The following SIL1 variants were observed in gnomAD, a reference collection of about 807,000 sequenced individuals.
The protein encoded by SIL1 is nucleotide exchange factor SIL1.
Under a neutral mutation model 49.1 loss-of-function variants are expected in SIL1, and 40 were observed. The observed-to-expected ratio is 0.81, with a 90% CI of 0.63 to 1.06. The LOEUF (loss-of-function observed/expected upper bound fraction) is 1.06. Ranked by LOEUF, SIL1 falls within the 50% of genes least tolerant of loss-of-function variation. The probability of loss-of-function intolerance (pLI) is 0.00; values close to 1 mark genes in which losing one functional copy is unlikely to be tolerated. For synonymous variants in SIL1, 253 were observed against 250.8 expected, an observed-to-expected ratio of 1.01 and a Z score of -0.08; for missense variants, 500 against 572.6, an observed-to-expected ratio of 0.87 and a Z score of 1.29.
chr5:139,196,052 T>C (rs1482031924), intron 1 of SIL1, among the ~76,000 whole-genome samples: 2 of 152,102 alleles, frequency 1.3e-5, no homozygotes, highest in Non-Finnish European at 2.9e-5. Context: ...TAGCTGGGCC[T>C]GGTGGTGCGC....
intron 7 of SIL1, among the ~76,000 whole-genome samples, chr5:138,977,567 T>C (rs1767421154): frequency 1.3e-5 from 2 of 151,996 alleles, no homozygotes; most frequent in South Asian, 4.2e-4. Flanking sequence ...CCTCAAACTC[T>C]TGGACTCAAG....
At chr5:138,998,104 C>T (rs1767909618) in intron 7 of SIL1, among the ~76,000 whole-genome samples, 1 of 152,088 alleles carries the variant, frequency 6.6e-6, no homozygotes, top group Admixed American at 6.5e-5. Flanking sequence ...GGAAACTTTC[C>T]ATTTTTGTGT....
intron 1 of SIL1, among the ~76,000 whole-genome samples, chr5:139,145,622 G>A (rs1044491009): frequency 3.1e-5 from 4 of 129,886 alleles, no homozygotes; most frequent in African/African-American, 1.1e-4. Context: ...GGGTGTGGGT[G>A]TGGGGGCGTG....
intron 4 of SIL1, among the ~76,000 whole-genome samples, chr5:139,046,952 T>C (rs1177584949): frequency 6.6e-6 from 1 of 152,226 alleles, no homozygotes; most frequent in Admixed American, 6.5e-5. Context: ...TGTACCTGGT[T>C]TTCTGTCTGC....
chr5:139,096,116 T>C (rs1377864713), intron 3 of SIL1, among the ~76,000 whole-genome samples: 1 of 152,158 alleles, frequency 6.6e-6, no homozygotes, highest in Non-Finnish European at 1.5e-5. Context: ...ATGAAGAATG[T>C]CTCTGGGCAC....
In SIL1 at chr5:139,026,828, G is replaced by T. The variant is rs899502101; in HGVS notation, c.618C>A (p.Leu206=). The change falls in exon 6 of 10, where the codon CTC becomes CTA. Residue 206 remains leucine (L), a synonymous_variant. Transcript: ENST00000394817. The part of the protein sequence containing the change: ...SSSLEEKIAA[L]FDLEYYVHQM... ...GATGGACATAATATTCAAGATCAAA[G>T]AGCGCAGCAATCTTCTCTTCCAAAC... The T allele has an allele frequency of 3.7e-6, 6 of 1,614,004 alleles. No individual in the cohort carries two copies. In the East Asian group the frequency reaches 1.3e-4, roughly 36 times the overall value.
chr5:139,187,532 A>C (rs1038887836), intron 1 of SIL1, among the ~76,000 whole-genome samples: 11 of 151,814 alleles, frequency 7.2e-5, no homozygotes, highest in Middle Eastern at 3.4e-3. Flanking sequence ...AAAAAAAAAA[A>C]AGTAGGAAAC....
Position 138,947,348 on chromosome 5 carries a change from G to A in SIL1, c.1155C>T (p.Leu385=), listed in dbSNP as rs1561799342. The A allele has an allele frequency of 6.2e-7, 1 of 1,613,672 alleles. No individual in the cohort carries two copies. The highest frequency in any genetic ancestry group is 8.5e-7 in the Non-Finnish European group (1 of 1,180,044). Residue 385 remains leucine, a synonymous_variant, in exon 10 of 10, where the codon CTC becomes CTT. Coordinates refer to ENST00000394817, the MANE Select transcript of SIL1 (RefSeq NM_022464.5). This position sits in a 1 kb window ranked among gnomAD's most constrained non-coding sequence, Gnocchi z 4.1. ...EQGWCEITAH[L]LALPEHDARE... ...GGGCATCATGCTCGGGCAGCGCCAGGAGGTGGGCCGTGATCTCGCACCAGC... is the reference window on the plus strand; with the variant it reads ...GGGCATCATGCTCGGGCAGCGCCAGAAGGTGGGCCGTGATCTCGCACCAGC...
At chr5:139,049,303 T>G (rs10477804) in intron 4 of SIL1, among the ~76,000 whole-genome samples, 63,891 of 152,034 alleles carry the variant, frequency 0.42, 14,266 homozygotes, top group African/African-American at 0.59. Context: ...CTTCTGAGTA[T>G]CTGGGATTAC....
chr5:138,994,825 A>C (rs1312007475), intron 7 of SIL1, among the ~76,000 whole-genome samples: 1 of 152,152 alleles, frequency 6.6e-6, no homozygotes, highest in East Asian at 1.9e-4. Flanking sequence ...TGCATGCATT[A>C]ACTATTTATC....
chr5:139,047,340 T>G (rs777683259), intron 4 of SIL1, among the ~76,000 whole-genome samples: 16 of 152,232 alleles, frequency 1.1e-4, no homozygotes, highest in South Asian at 2.1e-4. Flanking sequence ...AAGGCAGTGC[T>G]AAAGGAACTC....
chr5:139,043,163 G>C (rs1769082375), intron 4 of SIL1, among the ~76,000 whole-genome samples: 1 of 152,202 alleles, frequency 6.6e-6, no homozygotes, highest in African/African-American at 2.4e-5. Context: ...AGCTAGAAGA[G>C]GAAAGACGCA....
chr5:139,055,722 C>G (rs932683011), intron 3 of SIL1, among the ~76,000 whole-genome samples: 1 of 149,848 alleles, frequency 6.7e-6, no homozygotes, highest in Non-Finnish European at 1.5e-5. Context: ...TGATGCCTAG[C>G]CGAAGCTGGA....
intron 3 of SIL1, among the ~76,000 whole-genome samples, chr5:139,112,456 C>T (rs1770876912): frequency 6.6e-6 from 1 of 151,238 alleles, no homozygotes; most frequent in Non-Finnish European, 1.5e-5. Context: ...TCTGCCCCGC[C>T]ACCCAGTCTG....
At chr5:139,055,567 T>C (rs1035292511) in intron 3 of SIL1, among the ~76,000 whole-genome samples, 1 of 151,578 alleles carries the variant, frequency 6.6e-6, no homozygotes, top group African/African-American at 2.4e-5. Flanking sequence ...GTTCTGCTAT[T>C]GTCATGAAAA....
At position 139,092,693 on chromosome 5, in the gene SIL1, T is replaced by C. The variant is rs113694432; in HGVS notation, c.244+28342A>G. Among the ~76,000 whole-genome samples the C allele has an allele frequency of 7.0e-3, 1,060 of 152,270 alleles. 16 individuals carry two copies. Among genetic ancestry groups the C allele is most frequent in the African/African-American group, 0.024 (988 of 41,548 alleles). The stretch of plus-strand genomic sequence containing the variant: ...ACGGGAACATGAAAACAACAGGAGA[T>C]GGAGAGTGCCAGGCACAAGGGAAAT... On this transcript the variant is annotated intron_variant, in intron 3 of 9. Coordinates refer to ENST00000394817, the MANE Select transcript of SIL1 (RefSeq NM_022464.5).
intron 3 of SIL1, among the ~76,000 whole-genome samples, chr5:139,058,728 T>G (rs1769515200): frequency 6.6e-6 from 1 of 152,230 alleles, no homozygotes; most frequent in African/African-American, 2.4e-5. Flanking sequence ...ATTTTCTTTT[T>G]AAAAGTATTT....
chr5:139,002,375 A>C (rs1768006414), intron 7 of SIL1, among the ~76,000 whole-genome samples: 1 of 152,190 alleles, frequency 6.6e-6, no homozygotes, highest in Non-Finnish European at 1.5e-5. Flanking sequence ...TAGTTTATTA[A>C]ATCTGGGTAG....
At chr5:139,190,806 TATA>T (rs2151823292) in intron 1 of SIL1, among the ~76,000 whole-genome samples, 1 of 152,292 alleles carries the variant, frequency 6.6e-6, no homozygotes, top group East Asian at 1.9e-4. Context: ...TAAAGATCTC[TATA>T]ATATCTTCCA....
Sources: gnomAD v4.1 joint callset for allele counts (sites outside exome capture counted in the v4.1 genomes callset) on GRCh38, gnomAD v4.1.1 for gene constraint, Gnocchi (gnomAD v3.1) non-coding constraint, MANE v1.5 for transcripts, NCBI Gene and HGNC (gene_info 2026-07-23, HGNC 2026-07-21) for gene names.